RMST: variants seen among roughly 807,000 people sequenced by gnomAD.
The protein encoded by RMST is long intergenic non-protein coding RNA 54.
At position 97,475,931 on chromosome 12, in the gene RMST, C is replaced by T. The variant is rs542886001; in HGVS notation, n.644+10204C>T. 9.2e-5 allele frequency among the ~76,000 whole-genome samples: 14 copies of T among 152,278 alleles called. No homozygotes were observed. The South Asian group carries it at 1.0e-3, about 11-fold the overall frequency. On this transcript the variant is annotated intron_variant and non_coding_transcript_variant, in intron 5 of 13. Coordinates refer to ENST00000640149, the Ensembl canonical transcript of RMST. ...AAAGCTGTAATTTCTATTTCACCCA[C>T]GTTGCTGCATCACATACTGACGTTG...
At chr12:97,539,619 A>G (rs1235935702) in intron 11 of RMST, among the ~76,000 whole-genome samples, 1 of 151,630 alleles carries the variant, frequency 6.6e-6, no homozygotes, top group Non-Finnish European at 1.5e-5. Context: ...TTATCTAAAT[A>G]TTTTAGTAAA....
In RMST at chr12:97,468,365, C is replaced by T. The variant is rs949116021; in HGVS notation, n.644+2638C>T. 2.0e-5 allele frequency among the ~76,000 whole-genome samples: 3 copies of T among 151,998 alleles called. No homozygotes were observed. In the South Asian group the frequency reaches 6.2e-4, roughly 31 times the overall value. On this transcript the variant is annotated intron_variant and non_coding_transcript_variant, in intron 5 of 13. Coordinates refer to ENST00000640149, the Ensembl canonical transcript of RMST. ...TTTTTCAAGAGAAGGGCTATATAGA[C>T]TCGTTACGTCCCTGAATCCTTCTAA...
intron 11 of RMST, among the ~76,000 whole-genome samples, chr12:97,543,668 G>A (rs1193478880): frequency 6.6e-6 from 1 of 151,940 alleles, no homozygotes; most frequent in African/African-American, 2.4e-5. Flanking sequence ...GCCAGACACT[G>A]TTCTCAGTAC....
intron 10 of RMST, among the ~76,000 whole-genome samples, chr12:97,512,178 C>G (rs774152383): frequency 6.6e-6 from 1 of 151,682 alleles, no homozygotes; most frequent in Non-Finnish European, 1.5e-5. Context: ...ACTTTCGCAG[C>G]GAGTGTTACA....
At chr12:97,463,135 C>T (rs1172698269) in intron 3 of RMST, 1 of 152,406 alleles carries the variant, frequency 6.6e-6, no homozygotes, top group Non-Finnish European at 1.5e-5. Context: ...TTCTCTTTCT[C>T]TCATTTCCCG....
intron 5 of RMST, among the ~76,000 whole-genome samples, chr12:97,473,930 C>A (rs901566784): frequency 1.3e-5 from 2 of 152,056 alleles, no homozygotes; most frequent in Admixed American, 6.6e-5. Context: ...CTTAATTATT[C>A]TCTTCTTTTC....
chr12:97,482,148 G>C (rs1214072238), intron 5 of RMST, among the ~76,000 whole-genome samples: 1 of 152,156 alleles, frequency 6.6e-6, no homozygotes, highest in Non-Finnish European at 1.5e-5. Context: ...ATGGAAAATA[G>C]ACAAAAAATA....
At chr12:97,550,931 A>G (rs1345891884) in intron 11 of RMST, among the ~76,000 whole-genome samples, 3 of 152,194 alleles carry the variant, frequency 2.0e-5, no homozygotes, top group African/African-American at 7.2e-5. Flanking sequence ...TTACATATAT[A>G]ACCTCTAATT....
intron 13 of RMST, among the ~76,000 whole-genome samples, chr12:97,561,629 C>CTTTTT (rs9331504): frequency 1.1e-4 from 6 of 56,648 alleles, no homozygotes; most frequent in Non-Finnish European, 1.5e-4. Context: ...AGTTTGAAGG[C>CTTTTT]TTTTTTTTTT....
intron 5 of RMST, among the ~76,000 whole-genome samples, chr12:97,482,725 T>TAAA (rs368610399): frequency 0.032 from 1,941 of 61,374 alleles, 322 homozygotes; most frequent in African/African-American, 0.11. Context: ...TATTTATTTA[T>TAAA]TAAATAAATT....
chr12:97,475,142 C>G (rs1333310983), intron 5 of RMST, among the ~76,000 whole-genome samples: 2 of 152,120 alleles, frequency 1.3e-5, no homozygotes, highest in Non-Finnish European at 2.9e-5. Context: ...CATATCTTGT[C>G]AGTAATCAGT....
At chr12:97,540,909 A>G (rs1882440694) in intron 11 of RMST, among the ~76,000 whole-genome samples, 1 of 150,504 alleles carries the variant, frequency 6.6e-6, no homozygotes, top group Admixed American at 6.7e-5. Context: ...GAGTGTATCC[A>G]TAGATTAGAT....
intron 11 of RMST, among the ~76,000 whole-genome samples, chr12:97,543,805 C>T (rs1299467714): frequency 6.6e-6 from 1 of 151,928 alleles, no homozygotes; most frequent in East Asian, 1.9e-4. Flanking sequence ...TGATCTTCTA[C>T]ATCTCATGTT....
Position 97,491,307 on chromosome 12 carries a change from C to G in RMST, n.645-1154C>G, listed in dbSNP as rs140954380. ...TGTTTGAATGGATGGAAGGGAAAGT[C>G]TATAATTTCATGGCTGTTAGTAGAA... On this transcript the variant is annotated intron_variant and non_coding_transcript_variant, in intron 5 of 13. Coordinates refer to ENST00000640149, the Ensembl canonical transcript of RMST. Among the ~76,000 whole-genome samples, 769 of 152,264 alleles carry G rather than the reference C, an allele frequency of 5.1e-3. 3 individuals carry two copies. Among genetic ancestry groups the G allele is most frequent in the Middle Eastern group, 0.031 (9 of 294 alleles).
intron 11 of RMST, among the ~76,000 whole-genome samples, chr12:97,546,671 T>A (rs1592782077): frequency 6.6e-6 from 1 of 152,076 alleles, no homozygotes; most frequent in Admixed American, 6.6e-5. Flanking sequence ...TGAAAAAAAA[T>A]TCTTAATTGA....
chr12:97,558,104 G>A (rs11109106), intron 11 of RMST, among the ~76,000 whole-genome samples: 1 of 151,558 alleles, frequency 6.6e-6, no homozygotes, highest in Non-Finnish European at 1.5e-5. Flanking sequence ...CCTCCTCCTC[G>A]TTCTTCTTAC....
intron 5 of RMST, among the ~76,000 whole-genome samples, chr12:97,486,524 T>C (rs1324296458): frequency 2.0e-5 from 3 of 152,172 alleles, no homozygotes; most frequent in African/African-American, 7.2e-5. Context: ...AACTTTTTCA[T>C]GAGATATTAC....
chr12:97,553,442 C>G (rs1883450944), intron 11 of RMST, among the ~76,000 whole-genome samples: 2 of 152,180 alleles, frequency 1.3e-5, no homozygotes, highest in Non-Finnish European at 2.9e-5. Flanking sequence ...CCTGATTAAG[C>G]AGCCTGCTAG....
At chr12:97,491,750 G>T in intron 5 of RMST, 1 of 293,020 alleles carries the variant, frequency 3.4e-6, no homozygotes, top group Non-Finnish European at 7.3e-6. Context: ...TAGATTCTTT[G>T]AATTACATTA....
Sources: gnomAD v4.1 joint callset for allele counts (sites outside exome capture counted in the v4.1 genomes callset) on GRCh38, gnomAD v4.1.1 for gene constraint, MANE v1.5 for transcripts, NCBI Gene and HGNC (gene_info 2026-07-23, HGNC 2026-07-21) for gene names.